Variants in ANKFN1 observed in about 807,000 individuals in gnomAD.
ANKFN1 encodes ankyrin repeat and fibronectin type III domain containing 1.
ANKFN1 carries 74 observed loss-of-function variants against 108.7 expected under a neutral mutation model. The observed-to-expected ratio is 0.68, with a 90% CI of 0.56 to 0.83. The LOEUF (loss-of-function observed/expected upper bound fraction) is 0.83, where lower values mean the gene tolerates loss of function less well. Among genes scored for constraint, ANKFN1 ranks in the 40% least tolerant of loss-of-function variants. The pLI, the probability that ANKFN1 is intolerant of heterozygous loss-of-function variation, is 0.00. For synonymous variants in ANKFN1, 547 were observed against 516.2 expected (o/e 1.06, Z -0.81); for missense variants, 1,505 against 1,382.3 (o/e 1.09, Z -1.41).
At chr17:56,237,700 T>C (rs1917257128) in intron 3 of ANKFN1, among the ~76,000 whole-genome samples, 2 of 151,958 alleles carry the variant, frequency 1.3e-5, no homozygotes, top group African/African-American at 4.8e-5. Context: ...AGCTAGTAGC[T>C]TATATATCAT....
At chr17:56,056,111 T>A (rs1904873096) in intron 4 of ANKFN1, among the ~76,000 whole-genome samples, 1 of 152,080 alleles carries the variant, frequency 6.6e-6, no homozygotes, top group Admixed American at 6.6e-5. Flanking sequence ...TCCTTGTAGA[T>A]TCTGGATATA....
At chr17:56,320,889 A>G (rs1323899062) in intron 3 of ANKFN1, among the ~76,000 whole-genome samples, 1 of 152,086 alleles carries the variant, frequency 6.6e-6, no homozygotes, top group East Asian at 1.9e-4. Flanking sequence ...TCTCTTTTCG[A>G]AGAGTCTTTT....
chr17:56,215,312 G>A (rs536930790), intron 2 of ANKFN1, among the ~76,000 whole-genome samples: 6 of 152,306 alleles, frequency 3.9e-5, no homozygotes, highest in African/African-American at 1.4e-4. Context: ...TAACTTCTCT[G>A]TCTGACCTTC....
intron 4 of ANKFN1, among the ~76,000 whole-genome samples, chr17:56,110,605 C>G (rs1905907326): frequency 6.6e-6 from 1 of 151,922 alleles, no homozygotes; most frequent in South Asian, 2.1e-4. Context: ...AATGAATGAA[C>G]AAATGAGTGA....
intron 4 of ANKFN1, among the ~76,000 whole-genome samples, chr17:56,065,167 C>T (rs1212389598): frequency 2.0e-5 from 3 of 152,160 alleles, no homozygotes; most frequent in Non-Finnish European, 4.4e-5. Flanking sequence ...CCATCTTGGC[C>T]CTGCACCTCA....
At chr17:56,478,386 G>C (rs1182166971) in intron 16 of ANKFN1, among the ~76,000 whole-genome samples, 1 of 152,088 alleles carries the variant, frequency 6.6e-6, no homozygotes, top group Non-Finnish European at 1.5e-5. Flanking sequence ...GGGTTTCATA[G>C]AGCCAATGAT....
At chr17:56,496,553 T>C (rs2051206777) in intron 19 of ANKFN1, among the ~76,000 whole-genome samples, 1 of 152,106 alleles carries the variant, frequency 6.6e-6, no homozygotes, top group Non-Finnish European at 1.5e-5. Context: ...TTCCTTGACT[T>C]CTGGCCACAT....
At chr17:56,122,795 T>C (rs564545617) in intron 4 of ANKFN1, among the ~76,000 whole-genome samples, 2 of 152,330 alleles carry the variant, frequency 1.3e-5, no homozygotes, top group East Asian at 3.9e-4. Flanking sequence ...CAGGGACTAA[T>C]GGGCACTAAA....
At chr17:56,467,743 C>CAAAGAAAGAAAGAAAGAAAG (rs759980897) in intron 15 of ANKFN1, among the ~76,000 whole-genome samples, 1 of 72,624 alleles carries the variant, frequency 1.4e-5, no homozygotes, top group East Asian at 4.1e-4. Flanking sequence ...AAGAAAGAAA[C>CAAAGAAAGAAAGAAAGAAAG]AAAGAAAGAA....
chr17:56,468,689 T>A (rs1169047445), intron 15 of ANKFN1, among the ~76,000 whole-genome samples: 3 of 152,192 alleles, frequency 2.0e-5, no homozygotes, highest in Non-Finnish European at 2.9e-5. Flanking sequence ...TACAATAATC[T>A]CATTTTTTCA....
At chr17:56,488,742 T>C (rs2050934388) in intron 18 of ANKFN1, among the ~76,000 whole-genome samples, 1 of 152,220 alleles carries the variant, frequency 6.6e-6, no homozygotes, top group Admixed American at 6.5e-5. Flanking sequence ...CAGGAGGTTA[T>C]CTTGTTGATT....
chr17:56,223,531 A>C (rs776788825), intron 2 of ANKFN1, among the ~76,000 whole-genome samples: 1 of 152,188 alleles, frequency 6.6e-6, no homozygotes, highest in African/African-American at 2.4e-5. Context: ...AAAACAAAAA[A>C]CAGCAAAATT....
chr17:56,277,873 G>C (rs899403165), intron 3 of ANKFN1, among the ~76,000 whole-genome samples: 1 of 152,120 alleles, frequency 6.6e-6, no homozygotes, highest in Non-Finnish European at 1.5e-5. Context: ...ACAGTATTTC[G>C]AATAATGAGA....
At chr17:56,094,191 C>A (rs562533750) in intron 4 of ANKFN1, among the ~76,000 whole-genome samples, 15 of 151,200 alleles carry the variant, frequency 9.9e-5, no homozygotes, top group African/African-American at 3.2e-4. Context: ...AAGGAACCAA[C>A]CCTGCCCACA....
chr17:56,142,119 C>G (rs1031001201), intron 4 of ANKFN1, among the ~76,000 whole-genome samples: 1 of 151,846 alleles, frequency 6.6e-6, no homozygotes, highest in African/African-American at 2.4e-5. Context: ...TTAGTAGAGA[C>G]AGGGTTTCAT....
intron 8 of ANKFN1, among the ~76,000 whole-genome samples, chr17:56,437,233 T>G (rs1360999524): frequency 6.6e-6 from 1 of 152,230 alleles, no homozygotes; most frequent in Non-Finnish European, 1.5e-5. Context: ...CTTTTCCACC[T>G]GAAACTTGCT....
chr17:56,444,804 A>G (rs935837287), intron 10 of ANKFN1, among the ~76,000 whole-genome samples: 1 of 152,182 alleles, frequency 6.6e-6, no homozygotes. Context: ...GAAAGTCACA[A>G]CACTGGTACA....
chr17:56,497,176 A>G (rs937343445), intron 19 of ANKFN1, among the ~76,000 whole-genome samples: 4 of 152,092 alleles, frequency 2.6e-5, no homozygotes, highest in African/African-American at 9.7e-5. Context: ...GAGAACAACA[A>G]TCTCACTGGG....
chr17:56,222,318 C>T (rs1234697377), intron 2 of ANKFN1, among the ~76,000 whole-genome samples: 4 of 152,202 alleles, frequency 2.6e-5, no homozygotes, highest in Admixed American at 1.3e-4. Context: ...TGCAGACCCA[C>T]TACTAGTTAG....
Sources: allele counts gnomAD v4.1 joint callset (sites outside exome capture counted in the v4.1 genomes callset), GRCh38; gene constraint gnomAD v4.1.1; transcripts MANE v1.5; gene names NCBI Gene and HGNC (gene_info 2026-07-23, HGNC 2026-07-21).